HPGDS: variants seen among roughly 807,000 people sequenced by gnomAD.
HPGDS encodes the protein hematopoietic prostaglandin D synthase.
A neutral mutation model predicts 23.1 loss-of-function variants in HPGDS; 26 were observed. The observed-to-expected ratio is 1.13, with a 90% confidence interval of 0.83 to 1.56. The LOEUF (loss-of-function observed/expected upper bound fraction) is 1.56. Among genes scored for constraint, HPGDS ranks in the 40% most tolerant of loss-of-function variants. HPGDS has a pLI of 0.00. For missense variants in HPGDS, 268 were observed against 236.4 expected (o/e 1.13, Z -0.88); for synonymous variants, 95 against 77.9 (o/e 1.22, Z -1.16).
At chr4:94,306,573 T>G (rs1486725367) in intron 4 of HPGDS, among the ~76,000 whole-genome samples, 2 of 152,102 alleles carry the variant, frequency 1.3e-5, no homozygotes, top group Non-Finnish European at 2.9e-5. Flanking sequence ...TTAAGGAGGT[T>G]TGGGAGGGGA....
intron 2 of HPGDS, among the ~76,000 whole-genome samples, chr4:94,326,372 A>C (rs1359462860): frequency 2.0e-5 from 3 of 152,138 alleles, no homozygotes; most frequent in Non-Finnish European, 4.4e-5. Flanking sequence ...TGGTTTCCCA[A>C]ATGATGTAAT....
chr4:94,322,005 G>A (rs1756519971), intron 2 of HPGDS, among the ~76,000 whole-genome samples: 1 of 152,270 alleles, frequency 6.6e-6, no homozygotes, highest in East Asian at 1.9e-4. Context: ...GGCCTTTTCT[G>A]CATCTATTGA....
In HPGDS at chr4:94,334,540, T is replaced by C. The variant is rs765250283; in HGVS notation, c.90A>G (p.Glu30=). ...AGTCAGCTTGTTCTATTCTGTGGTCTTCATACTGTATGTCCAAATAAGCAA... is the reference window on the plus strand; with the variant it reads ...AGTCAGCTTGTTCTATTCTGTGGTCCTCATACTGTATGTCCAAATAAGCAA... ...YIFAYLDIQY[E]DHRIEQADWP... The change falls in exon 2 of 6, where the codon GAA becomes GAG. Residue 30 remains glutamate, a synonymous_variant. Coordinates refer to ENST00000295256, the MANE Select transcript of HPGDS (RefSeq NM_014485.3). 5.0e-6 allele frequency: 8 copies of C among 1,613,272 alleles called. No homozygotes were observed. Among genetic ancestry groups the C allele is most frequent in the Admixed American group, 1.7e-5 (1 of 59,952 alleles).
In HPGDS at chr4:94,335,886, A is replaced by G. The variant is rs139550622; in HGVS notation, c.-9-1248T>C. Among the ~76,000 whole-genome samples, 1,303 of 152,302 alleles carry G rather than the reference A, an allele frequency of 8.6e-3. 8 individuals are homozygous for G. The highest frequency in any genetic ancestry group is 0.054 in the Middle Eastern group (16 of 294). On this transcript the variant is annotated intron_variant, in intron 1 of 5. Transcript: ENST00000295256. ...TTAGATAAAAGGGAAAGTTGGGCTC[A>G]AGCCTCAAAACAAAGTTTCATCAAA... is the stretch of plus-strand genomic sequence containing the variant.
chr4:94,308,810 A>G, intron 3 of HPGDS, 67 bp from the exon 4 acceptor site: 3 of 789,554 alleles, frequency 3.8e-6, no homozygotes, highest in Middle Eastern at 4.7e-4. Context: ...TTTTTAACAG[A>G]TAGTATACTC....
intron 3 of HPGDS, among the ~76,000 whole-genome samples, chr4:94,311,156 A>G (rs1424368986): frequency 2.6e-5 from 4 of 152,220 alleles, no homozygotes; most frequent in Non-Finnish European, 5.9e-5. Flanking sequence ...TGCCCTGGCC[A>G]GAACTTCCAA....
intron 3 of HPGDS, among the ~76,000 whole-genome samples, chr4:94,310,085 G>T (rs991458372): frequency 6.6e-6 from 1 of 152,092 alleles, no homozygotes; most frequent in Non-Finnish European, 1.5e-5. Context: ...TAGGTTGCCT[G>T]TTCACTCTGA....
intron 2 of HPGDS, among the ~76,000 whole-genome samples, chr4:94,319,250 G>T (rs1349680871): frequency 6.6e-6 from 1 of 152,084 alleles, no homozygotes; most frequent in African/African-American, 2.4e-5. Flanking sequence ...TTGCTGAATT[G>T]ACCACTTTAT....
chr4:94,305,050 C>T (rs1340362621), intron 4 of HPGDS, among the ~76,000 whole-genome samples: 2 of 151,948 alleles, frequency 1.3e-5, no homozygotes, highest in Non-Finnish European at 2.9e-5. Context: ...CCATGTCTGA[C>T]AAATAGTAAA....
intron 3 of HPGDS, among the ~76,000 whole-genome samples, chr4:94,309,272 C>T (rs959130653): frequency 1.0e-4 from 14 of 137,786 alleles, no homozygotes; most frequent in Middle Eastern, 3.7e-3. Flanking sequence ...CCTCCCGCCT[C>T]CCCCCACCCC....
chr4:94,304,433 G>A (rs1756103930), intron 4 of HPGDS, among the ~76,000 whole-genome samples: 1 of 152,166 alleles, frequency 6.6e-6, no homozygotes, highest in African/African-American at 2.4e-5. Flanking sequence ...TATTGGAAAT[G>A]GAATTTTTAG....
chr4:94,338,258 T>C (rs1307867047), intron 1 of HPGDS, among the ~76,000 whole-genome samples: 1 of 152,056 alleles, frequency 6.6e-6, no homozygotes, highest in East Asian at 1.9e-4. Flanking sequence ...ACCCCGTCTC[T>C]ACAAAAAAAT....
chr4:94,312,148 C>T (rs1175044179), intron 3 of HPGDS, among the ~76,000 whole-genome samples: 4 of 152,022 alleles, frequency 2.6e-5, no homozygotes, highest in African/African-American at 9.7e-5. Flanking sequence ...TTCAGTTCTG[C>T]TCTGATTTTA....
At chr4:94,302,976 TTATA>T (rs1756073453) in intron 4 of HPGDS, among the ~76,000 whole-genome samples, 1 of 152,118 alleles carries the variant, frequency 6.6e-6, no homozygotes, top group Non-Finnish European at 1.5e-5. Flanking sequence ...AGATGTTTGT[TTATA>T]TATAAGAATT....
chr4:94,322,848 G>T (rs1031765694), intron 2 of HPGDS, among the ~76,000 whole-genome samples: 25 of 151,806 alleles, frequency 1.6e-4, no homozygotes, highest in African/African-American at 6.0e-4. Context: ...CTCTTAATTG[G>T]GATGTTAGGG....
At chr4:94,336,448 G>A (rs1485407205) in intron 1 of HPGDS, among the ~76,000 whole-genome samples, 1 of 152,120 alleles carries the variant, frequency 6.6e-6, no homozygotes, top group Non-Finnish European at 1.5e-5. Context: ...AGATGTTGTG[G>A]AGTGAAGCTG....
intron 3 of HPGDS, among the ~76,000 whole-genome samples, 171 bp from the exon 4 acceptor site, chr4:94,308,914 G>A (rs551087077): frequency 1.3e-5 from 2 of 151,600 alleles, no homozygotes; most frequent in East Asian, 1.9e-4. Flanking sequence ...TACCTTACTG[G>A]TACCACTTTA....
chr4:94,314,278 C>T (rs904883729), intron 3 of HPGDS, among the ~76,000 whole-genome samples: 10 of 152,046 alleles, frequency 6.6e-5, no homozygotes, highest in African/African-American at 2.4e-4. Context: ...TTTTATCTAC[C>T]TTTAGTCTTT....
intron 3 of HPGDS, among the ~76,000 whole-genome samples, chr4:94,312,478 A>G (rs181563029): frequency 0.025 from 3,752 of 152,142 alleles, 101 homozygotes; most frequent in African/African-American, 0.074. Context: ...CTGAGTTCTA[A>G]TTTGATTGCA....
Sources: allele counts gnomAD v4.1 joint callset (sites outside exome capture counted in the v4.1 genomes callset), GRCh38; gene constraint gnomAD v4.1.1; transcripts MANE v1.5; gene names NCBI Gene and HGNC (gene_info 2026-07-23, HGNC 2026-07-21).